Variants in AGBL1 observed in about 807,000 individuals in gnomAD.
The protein encoded by AGBL1 is AGBL carboxypeptidase 1.
AGBL1 carries 130 observed loss-of-function variants against 118.9 expected under a neutral mutation model. The ratio of observed to expected loss-of-function variants is 1.09; its 90% CI spans 0.95 to 1.26. AGBL1 has a LOEUF of 1.26. Among genes scored for constraint, AGBL1 ranks in the 50% most tolerant of loss-of-function variants. The pLI is 0.00. For synonymous variants in AGBL1, 555 were observed against 478.9 expected, an observed-to-expected ratio of 1.16 and a Z score of -2.08; for missense variants, 1,584 against 1,298.1, an observed-to-expected ratio of 1.22 and a Z score of -3.38.
chr15:86,132,161 G>C (rs1185513224), intron 1 of AGBL1, among the ~76,000 whole-genome samples: 2 of 152,154 alleles, frequency 1.3e-5, no homozygotes, highest in African/African-American at 4.8e-5. Flanking sequence ...CGCAAAGACA[G>C]CAGGGTCGAA....
intron 22 of AGBL1, among the ~76,000 whole-genome samples, chr15:86,684,802 C>G (rs1373200152): frequency 1.3e-5 from 2 of 152,114 alleles, no homozygotes; most frequent in Non-Finnish European, 2.9e-5. Flanking sequence ...TGCATTTACT[C>G]TCAAAGGTAC....
chr15:86,167,237 T>C (rs1332377714), intron 5 of AGBL1, among the ~76,000 whole-genome samples: 2 of 149,500 alleles, frequency 1.3e-5, no homozygotes, highest in African/African-American at 2.5e-5. Flanking sequence ...CTGATATTTC[T>C]TTTTTACTTT....
intron 21 of AGBL1, among the ~76,000 whole-genome samples, chr15:86,567,015 A>C (rs2083927448): frequency 6.6e-6 from 1 of 152,206 alleles, no homozygotes; most frequent in Non-Finnish European, 1.5e-5. Flanking sequence ...ACTGCCTACA[A>C]AACATTTATC....
At chr15:86,361,319 A>G (rs1361780485) in intron 17 of AGBL1, among the ~76,000 whole-genome samples, 1 of 152,056 alleles carries the variant, frequency 6.6e-6, no homozygotes, top group Non-Finnish European at 1.5e-5. Flanking sequence ...TATTTGGAAT[A>G]ATTACAATCT....
chr15:86,548,157 G>A (rs959825469), intron 20 of AGBL1, among the ~76,000 whole-genome samples: 6 of 152,250 alleles, frequency 3.9e-5, no homozygotes, highest in Admixed American at 2.0e-4. Context: ...ATAGGTTAAT[G>A]TTATCATCAT....
chr15:86,513,069 A>G (rs562755475), intron 18 of AGBL1, among the ~76,000 whole-genome samples: 11 of 152,054 alleles, frequency 7.2e-5, no homozygotes, highest in Non-Finnish European at 1.5e-4. Flanking sequence ...AACATTTTAC[A>G]TATCTGTAAG....
intron 22 of AGBL1, among the ~76,000 whole-genome samples, chr15:86,762,553 T>A (rs1219385347): frequency 1.3e-5 from 2 of 151,974 alleles, no homozygotes; most frequent in African/African-American, 4.8e-5. Flanking sequence ...AGGAATTTAT[T>A]ACTCCTTACT....
chr15:86,949,012 C>T (rs2080852787), intron 23 of AGBL1, among the ~76,000 whole-genome samples: 1 of 152,008 alleles, frequency 6.6e-6, no homozygotes, highest in African/African-American at 2.4e-5. Flanking sequence ...ACTGTGTGGT[C>T]CATACAGCCT....
At chr15:86,803,895 C>T (rs1235355879) in intron 22 of AGBL1, among the ~76,000 whole-genome samples, 2 of 152,110 alleles carry the variant, frequency 1.3e-5, no homozygotes, top group African/African-American at 4.8e-5. Flanking sequence ...CTACAATTCA[C>T]AGGTCAGCCC....
intron 22 of AGBL1, among the ~76,000 whole-genome samples, chr15:86,845,329 A>T (rs926995495): frequency 2.6e-5 from 4 of 152,092 alleles, no homozygotes; most frequent in African/African-American, 9.7e-5. Context: ...AGTGATTGAG[A>T]TGACTGTACT....
At chr15:86,616,472 T>G (rs1238700895) in intron 21 of AGBL1, among the ~76,000 whole-genome samples, 3 of 151,710 alleles carry the variant, frequency 2.0e-5, no homozygotes, top group Non-Finnish European at 2.9e-5. Flanking sequence ...GGTGATAAAA[T>G]GGGAAAGGAG....
intron 21 of AGBL1, among the ~76,000 whole-genome samples, chr15:86,641,185 A>G (rs1028710730): frequency 1.3e-5 from 2 of 152,070 alleles, no homozygotes; most frequent in African/African-American, 4.8e-5. Context: ...TGTTTTTGAC[A>G]TGTAAATATA....
intron 21 of AGBL1, among the ~76,000 whole-genome samples, chr15:86,563,137 A>G (rs998791513): frequency 3.3e-5 from 5 of 151,316 alleles, no homozygotes; most frequent in Non-Finnish European, 7.4e-5. Context: ...TTGTGTCTCT[A>G]TCTCCTTCAG....
At chr15:86,714,494 G>A (rs1228016650) in intron 22 of AGBL1, among the ~76,000 whole-genome samples, 1 of 152,214 alleles carries the variant, frequency 6.6e-6, no homozygotes, top group African/African-American at 2.4e-5. Flanking sequence ...CCATGTGTGT[G>A]TGCAGATAAT....
chr15:86,790,589 G>A (rs1248622375), intron 22 of AGBL1, among the ~76,000 whole-genome samples: 1 of 152,086 alleles, frequency 6.6e-6, no homozygotes, highest in Non-Finnish European at 1.5e-5. Context: ...TGGTCTCTTA[G>A]TTTAGGGTTC....
At chr15:86,194,756 A>G (rs151121430) in intron 5 of AGBL1, among the ~76,000 whole-genome samples, 3 of 152,228 alleles carry the variant, frequency 2.0e-5, no homozygotes, top group African/African-American at 7.2e-5. Context: ...CCTCTGTTCC[A>G]ACAGGAGTGC....
At chr15:86,326,863 A>G (rs1335084783) in intron 17 of AGBL1, among the ~76,000 whole-genome samples, 3 of 152,102 alleles carry the variant, frequency 2.0e-5, no homozygotes, top group Non-Finnish European at 4.4e-5. Flanking sequence ...TTAGTCATGA[A>G]CTTCTAACCA....
chr15:86,856,108 G>T (rs964180845), intron 22 of AGBL1, among the ~76,000 whole-genome samples: 1 of 152,148 alleles, frequency 6.6e-6, no homozygotes, highest in South Asian at 2.1e-4. Context: ...TGACATTTCC[G>T]CAAAGGGGTG....
chr15:86,094,989 C>T (rs541230708), intron 1 of AGBL1, among the ~76,000 whole-genome samples: 1 of 152,284 alleles, frequency 6.6e-6, no homozygotes, highest in Non-Finnish European at 1.5e-5. Flanking sequence ...AGGGAGTTCC[C>T]ACAGCTCCGT....
Sources: gnomAD v4.1 joint callset for allele counts (sites outside exome capture counted in the v4.1 genomes callset) on GRCh38, gnomAD v4.1.1 for gene constraint, MANE v1.5 for transcripts, NCBI Gene and HGNC (gene_info 2026-07-23, HGNC 2026-07-21) for gene names.